The following SCFD2 variants were observed in gnomAD, a reference collection of about 807,000 sequenced individuals.
The protein encoded by SCFD2 is sec1 family domain containing 2.
Under a neutral mutation model 58.9 loss-of-function variants are expected in SCFD2, and 54 were observed. The observed-to-expected ratio is 0.92, with a 90% confidence interval of 0.74 to 1.15. The LOEUF is 1.15. Among genes scored for constraint, SCFD2 ranks in the 50% most tolerant of loss-of-function variants. The pLI is 0.00. For synonymous variants in SCFD2, 321 were observed against 335.9 expected (o/e 0.96, Z 0.49); for missense variants, 805 against 836.6 (o/e 0.96, Z 0.47).
At chr4:53,119,185 G>A (rs1464613098) in intron 5 of SCFD2, among the ~76,000 whole-genome samples, 2 of 152,142 alleles carry the variant, frequency 1.3e-5, no homozygotes, top group Admixed American at 6.5e-5. Flanking sequence ...AGGCATGATG[G>A]TGCATGCCTG....
At chr4:52,992,733 A>C (rs1183343528) in intron 5 of SCFD2, among the ~76,000 whole-genome samples, 1 of 151,820 alleles carries the variant, frequency 6.6e-6, no homozygotes, top group Non-Finnish European at 1.5e-5. Flanking sequence ...CTGAGAAGTG[A>C]AGAGCCCCTC....
At chr4:53,320,908 T>G (rs1400272233) in intron 2 of SCFD2, among the ~76,000 whole-genome samples, 2 of 152,234 alleles carry the variant, frequency 1.3e-5, no homozygotes, top group Admixed American at 1.3e-4. Context: ...CTGAATTCAT[T>G]GTAGCTACCA....
chr4:53,156,523 C>T (rs1158964446), intron 4 of SCFD2, among the ~76,000 whole-genome samples: 1 of 152,040 alleles, frequency 6.6e-6, no homozygotes, highest in Non-Finnish European at 1.5e-5. Context: ...CGGTGAAACC[C>T]CGTCTCTACT....
chr4:52,907,706 A>ATGTG, intron 6 of SCFD2, 115 bp from the exon 7 acceptor site: 1 of 846,004 alleles, frequency 1.2e-6, no homozygotes, highest in South Asian at 1.5e-5. Context: ...AGCAATGCCT[A>ATGTG]TATGTGTGTG....
At chr4:53,314,612 T>C (rs1732800253) in intron 2 of SCFD2, among the ~76,000 whole-genome samples, 1 of 152,210 alleles carries the variant, frequency 6.6e-6, no homozygotes, top group Non-Finnish European at 1.5e-5. Context: ...AAAGCCCTAC[T>C]CACTCTCCTA....
At chr4:53,157,948 T>G (rs1218559658) in intron 4 of SCFD2, among the ~76,000 whole-genome samples, 1 of 152,192 alleles carries the variant, frequency 6.6e-6, no homozygotes. Context: ...TTCATGTAAA[T>G]TATGTGCGCT....
chr4:53,263,747 C>A (rs568032759), intron 4 of SCFD2, among the ~76,000 whole-genome samples: 4 of 152,164 alleles, frequency 2.6e-5, no homozygotes, highest in Non-Finnish European at 5.9e-5. Flanking sequence ...CAGGAGGTGG[C>A]GCTTTCAAGA....
At chr4:53,081,596 C>T (rs1434714329) in intron 5 of SCFD2, among the ~76,000 whole-genome samples, 9 of 152,150 alleles carry the variant, frequency 5.9e-5, no homozygotes, top group Non-Finnish European at 1.2e-4. Flanking sequence ...ATAATTATTA[C>T]ATTGCTTTAT....
At chr4:52,889,861 G>C (rs575246694) in intron 7 of SCFD2, among the ~76,000 whole-genome samples, 1 of 152,236 alleles carries the variant, frequency 6.6e-6, no homozygotes, top group South Asian at 2.1e-4. Flanking sequence ...CATACACCTT[G>C]GGGATTTTCC....
Position 53,023,425 on chromosome 4 carries a change from G to A in SCFD2, c.1562-102555C>T, listed in dbSNP as rs536073220. On this transcript the variant is annotated intron_variant, in intron 5 of 8. Coordinates refer to ENST00000401642, the MANE Select transcript of SCFD2 (RefSeq NM_152540.4). The stretch of plus-strand genomic sequence containing the variant: ...TGGCCCTAAAAATATTGGTATGGCC[G>A]TAGGAGGTACCAAGAATTCAGGAGG... Among the ~76,000 whole-genome samples, 12 of 152,166 alleles carry A rather than the reference G, an allele frequency of 7.9e-5. No homozygotes were observed. In the South Asian group the frequency reaches 1.9e-3, roughly 24 times the overall value.
chr4:53,325,544 G>T (rs1733165708), intron 2 of SCFD2, among the ~76,000 whole-genome samples: 1 of 152,082 alleles, frequency 6.6e-6, no homozygotes, highest in South Asian at 2.1e-4. Context: ...CAATGCAAAT[G>T]GTCTGAATAA....
intron 7 of SCFD2, among the ~76,000 whole-genome samples, chr4:52,888,531 G>A (rs891619864): frequency 7.9e-5 from 12 of 152,086 alleles, no homozygotes; most frequent in South Asian, 6.2e-4. Flanking sequence ...TGCTCTCATC[G>A]GAGTCACCAA....
intron 4 of SCFD2, among the ~76,000 whole-genome samples, chr4:53,268,896 A>G (rs1306378814): frequency 2.0e-5 from 3 of 152,214 alleles, no homozygotes; most frequent in Non-Finnish European, 4.4e-5. Context: ...GATTAGTTAC[A>G]CACAGTGGGG....
rs1390068214 is a variant in SCFD2 at position 53,142,834 on chromosome 4, CAAAG to C, written c.1561+2495_1561+2498del. Among the ~76,000 whole-genome samples the C allele has an allele frequency of 2.0e-5, 3 of 152,298 alleles. No individual in the cohort carries two copies. In the East Asian group the frequency reaches 5.8e-4, roughly 29 times the overall value. ...AGAAATAAAGTCCTATTGGTCTTCA[CAAAG>C]GCTGAAAAAATGTGTGTGTGTGTTC... On this transcript the variant is annotated intron_variant, in intron 5 of 8. Coordinates refer to ENST00000401642, the MANE Select transcript of SCFD2 (RefSeq NM_152540.4).
At chr4:53,059,786 T>C (rs1351033886) in intron 5 of SCFD2, among the ~76,000 whole-genome samples, 2 of 152,124 alleles carry the variant, frequency 1.3e-5, no homozygotes, top group Admixed American at 6.6e-5. Context: ...AAAATATAAG[T>C]GTACTATATT....
chr4:53,018,752 C>G (rs535678687), intron 5 of SCFD2, among the ~76,000 whole-genome samples: 1 of 152,148 alleles, frequency 6.6e-6, no homozygotes, highest in Non-Finnish European at 1.5e-5. Context: ...ACAAAACTTA[C>G]GCCAGCCTGA....
chr4:53,190,431 A>G (rs1165757959), intron 4 of SCFD2, among the ~76,000 whole-genome samples: 1 of 152,104 alleles, frequency 6.6e-6, no homozygotes, highest in East Asian at 1.9e-4. Flanking sequence ...TGTTTTTGCT[A>G]TAACCTCTGC....
chr4:53,290,253 TCA>T (rs1339091763), intron 3 of SCFD2, among the ~76,000 whole-genome samples: 6 of 152,096 alleles, frequency 3.9e-5, no homozygotes, highest in African/African-American at 1.4e-4. Flanking sequence ...CTTAAGAAGA[TCA>T]CAGTCATATC....
At chr4:53,009,211 T>C (rs2148805894) in intron 5 of SCFD2, among the ~76,000 whole-genome samples, 1 of 152,320 alleles carries the variant, frequency 6.6e-6, no homozygotes, top group East Asian at 1.9e-4. Flanking sequence ...ACAGTGTTGG[T>C]AGCGCTTCCT....
Sources: allele counts gnomAD v4.1 joint callset (sites outside exome capture counted in the v4.1 genomes callset), GRCh38; gene constraint gnomAD v4.1.1; transcripts MANE v1.5; gene names NCBI Gene and HGNC (gene_info 2026-07-23, HGNC 2026-07-21).